The following LRBA variants were observed in gnomAD, a reference collection of about 807,000 sequenced individuals.
LRBA encodes the protein lipopolysaccharide-responsive and beige-like anchor protein.
A neutral mutation model predicts 330.0 loss-of-function variants in LRBA; 176 were observed. The ratio of observed to expected loss-of-function variants is 0.53; its 90% confidence interval spans 0.47 to 0.60. The LOEUF is 0.60. Among genes scored for constraint, LRBA ranks in the 20% least tolerant of loss-of-function variants. The pLI is 0.00. For missense variants in LRBA, 3,259 were observed against 3,444.8 expected (o/e 0.95, Z 1.35); for synonymous variants, 1,230 against 1,193.0 (o/e 1.03, Z -0.64).
At chr4:150,539,082 TCTC>T (rs1331602615) in intron 40 of LRBA, among the ~76,000 whole-genome samples, 1 of 152,024 alleles carries the variant, frequency 6.6e-6, no homozygotes, top group Non-Finnish European at 1.5e-5. Flanking sequence ...TTCAAGCAAT[TCTC>T]CTGCTTCAGG....
chr4:150,973,990 A>C (rs1218103198), intron 2 of LRBA, among the ~76,000 whole-genome samples: 1 of 152,262 alleles, frequency 6.6e-6, no homozygotes, highest in Non-Finnish European at 1.5e-5. Context: ...TGATTCACAA[A>C]AATATTCATG....
At chr4:150,493,441 A>G (rs79930494) in intron 40 of LRBA, among the ~76,000 whole-genome samples, 24,297 of 152,266 alleles carry the variant, frequency 0.16, 1,952 homozygotes, top group Middle Eastern at 0.18. Context: ...GAATGACTAA[A>G]TGAATCAATG....
chr4:150,870,544 TGAA>T lies in LRBA; in HGVS notation c.2427_2429del (p.Ser810del). 1 of 1,588,574 alleles carries T rather than the reference TGAA, an allele frequency of 6.3e-7. No homozygotes were observed. The highest frequency in any genetic ancestry group is 8.6e-7 in the Non-Finnish European group (1 of 1,157,500). ...ACATACGAGGGTTTTGTATCTTCAC[TGAA>T]GAATCAGGATCTGGATGCTGTTTAT... On this transcript the variant is annotated inframe_deletion, in exon 20 of 57. Coordinates refer to ENST00000651943, the MANE Select transcript of LRBA (RefSeq NM_001364905.1).
intron 37 of LRBA, among the ~76,000 whole-genome samples, chr4:150,665,548 T>G (rs1269174123): frequency 2.0e-5 from 3 of 152,164 alleles, no homozygotes; most frequent in Non-Finnish European, 4.4e-5. Flanking sequence ...AAAAAAATCT[T>G]TGCACCCCTT....
intron 37 of LRBA, among the ~76,000 whole-genome samples, chr4:150,622,402 G>C (rs1776382026): frequency 6.6e-6 from 1 of 152,168 alleles, no homozygotes; most frequent in Admixed American, 6.5e-5. Context: ...AGCCACAATG[G>C]TGGCACATTC....
At chr4:150,538,840 A>G (rs1764987816) in intron 40 of LRBA, among the ~76,000 whole-genome samples, 2 of 150,960 alleles carry the variant, frequency 1.3e-5, no homozygotes, top group South Asian at 4.2e-4. Context: ...ACAAAAAACT[A>G]CCTATTGGGT....
chr4:150,514,846 G>A (rs144658234), intron 40 of LRBA, among the ~76,000 whole-genome samples: 1 of 152,272 alleles, frequency 6.6e-6, no homozygotes, highest in African/African-American at 2.4e-5. Flanking sequence ...TCTGCTTTGA[G>A]AAGCTTATTT....
At chr4:150,759,726 G>A (rs527602544) in intron 35 of LRBA, among the ~76,000 whole-genome samples, 9 of 150,554 alleles carry the variant, frequency 6.0e-5, no homozygotes, top group African/African-American at 1.5e-4. Flanking sequence ...TACAATCCAC[G>A]AAAAAAAGAA....
intron 37 of LRBA, among the ~76,000 whole-genome samples, chr4:150,632,274 G>C (rs936661950): frequency 6.7e-6 from 1 of 149,022 alleles, no homozygotes; most frequent in Admixed American, 6.7e-5. Flanking sequence ...TGCTAGCAGA[G>C]ATTAGGATCA....
intron 9 of LRBA, among the ~76,000 whole-genome samples, chr4:150,909,771 C>T (rs1731771743): frequency 6.6e-6 from 1 of 152,040 alleles, no homozygotes; most frequent in Admixed American, 6.6e-5. Context: ...ATTTTTCATT[C>T]CCCTCAACAG....
intron 37 of LRBA, among the ~76,000 whole-genome samples, chr4:150,669,805 A>T (rs1453515265): frequency 6.6e-6 from 1 of 152,166 alleles, no homozygotes; most frequent in Non-Finnish European, 1.5e-5. Flanking sequence ...ACCTCAGGTG[A>T]TCCACTCACC....
intron 37 of LRBA, among the ~76,000 whole-genome samples, chr4:150,683,024 C>T (rs1179183202): frequency 6.6e-6 from 1 of 151,922 alleles, no homozygotes; most frequent in Non-Finnish European, 1.5e-5. Context: ...TTGAGTAAAA[C>T]TTTAAAGAAG....
chr4:151,012,774 T>C (rs1429824842), intron 2 of LRBA: 1 of 152,012 alleles, frequency 6.6e-6, no homozygotes, highest in African/African-American at 2.4e-5. Context: ...ATCCAATTGT[T>C]CAAAGCTTTC....
intron 28 of LRBA, 36 bp from the exon 29 acceptor site, chr4:150,832,012 C>G (rs1747271143): frequency 3.2e-6 from 4 of 1,253,280 alleles, no homozygotes; most frequent in Non-Finnish European, 4.3e-6. Context: ...ATTATGTAAC[C>G]ATAAAATAAC....
intron 4 of LRBA, among the ~76,000 whole-genome samples, chr4:150,926,403 G>C (rs781653286): frequency 6.6e-6 from 1 of 152,122 alleles, no homozygotes; most frequent in Non-Finnish European, 1.5e-5. Flanking sequence ...TAGCCGTAGC[G>C]TAACAGCCAC....
intron 56 of LRBA, among the ~76,000 whole-genome samples, chr4:150,273,590 T>C (rs1400924394): frequency 6.6e-6 from 1 of 150,994 alleles, no homozygotes; most frequent in Non-Finnish European, 1.5e-5. Context: ...AAGACACACA[T>C]AGGCTCAAAA....
In LRBA at chr4:150,852,714, C is replaced by T. The variant is rs769975156; in HGVS notation, c.2996G>A (p.Ser999Asn). 1 of 1,613,874 alleles carries T rather than the reference C, an allele frequency of 6.2e-7. No homozygotes were observed. Among genetic ancestry groups the T allele is most frequent in the East Asian group, 2.2e-5 (1 of 44,860 alleles). Reference protein sequence around the residue: ...GNENSSIEKTSSLESASNIEL... With the variant: ...GNENSSIEKTNSLESASNIEL... The stretch of plus-strand genomic sequence containing the variant: ...AATATTAGATGCAGATTCTAGTGAA[C>T]TTGTCTTCTCTATACTTGAATTTTC... Residue 999 changes from serine to asparagine, a missense_variant, in exon 23 of 57, where the codon AGT becomes AAT. Physicochemically the swap from Ser to Asn is conservative, Grantham distance 46 (BLOSUM62 1). Transcript: ENST00000651943.
chr4:150,478,398 A>C (rs1756946963), intron 42 of LRBA, among the ~76,000 whole-genome samples: 2 of 152,160 alleles, frequency 1.3e-5, no homozygotes, highest in Non-Finnish European at 1.5e-5. Context: ...CATTATTCCT[A>C]ATCCCAGTAA....
intron 36 of LRBA, among the ~76,000 whole-genome samples, chr4:150,728,679 AC>A (rs538889067): frequency 8.8e-4 from 133 of 151,440 alleles, no homozygotes; most frequent in Non-Finnish European, 6.8e-4. Flanking sequence ...AAAAAAAAAA[AC>A]GTGATACAAA....
Sources: gnomAD v4.1 joint callset for allele counts (sites outside exome capture counted in the v4.1 genomes callset) on GRCh38, gnomAD v4.1.1 for gene constraint, MANE v1.5 for transcripts, NCBI Gene and HGNC (gene_info 2026-07-23, HGNC 2026-07-21) for gene names.